Variants in CLEC3B observed in about 807,000 individuals in gnomAD.
CLEC3B encodes C-type lectin domain family 3 member B.
A neutral mutation model predicts 15.4 loss-of-function variants in CLEC3B; 13 were observed. That is an observed-to-expected ratio of 0.84 (90% CI 0.55 to 1.34). The LOEUF is 1.34. Among genes scored for constraint, CLEC3B ranks in the 40% most tolerant of loss-of-function variants. The pLI is 0.00. For synonymous variants in CLEC3B, 112 were observed against 114.7 expected, an observed-to-expected ratio of 0.98 and a Z score of 0.15; for missense variants, 242 against 268.6, an observed-to-expected ratio of 0.90 and a Z score of 0.69.
Position 45,035,774 on chromosome 3 carries a change from C to G in CLEC3B, c.459C>G (p.Ala153=). 3.1e-6 allele frequency: 5 copies of G among 1,613,740 alleles called. No homozygotes were observed. Among genetic ancestry groups the G allele is most frequent in the Non-Finnish European group, 4.2e-6 (5 of 1,179,982 alleles). The change falls in exon 3 of 3, where the codon GCC becomes GCG. Residue 153 remains alanine, a synonymous_variant. Transcript: ENST00000296130. ...TGGACATGACCGGCGCCCGCATCGC[C>G]TACAAGAACTGGGAGACTGAGATCA... ...TWVDMTGARI[A]YKNWETEITA...
chr3:45,029,092 C>T (rs914099062), intron 1 of CLEC3B, among the ~76,000 whole-genome samples: 14 of 152,216 alleles, frequency 9.2e-5, no homozygotes, highest in Admixed American at 4.6e-4. Flanking sequence ...TGGGCCAGCA[C>T]AAAGGCCTCC....
intron 1 of CLEC3B, among the ~76,000 whole-genome samples, chr3:45,029,836 A>T (rs760125573): frequency 7.2e-5 from 11 of 152,288 alleles, no homozygotes; most frequent in African/African-American, 2.4e-4. Context: ...TTACACACAC[A>T]TAGAAATATG....
intron 2 of CLEC3B, among the ~76,000 whole-genome samples, chr3:45,035,188 G>C (rs549284662): frequency 6.6e-6 from 1 of 152,328 alleles, no homozygotes; most frequent in South Asian, 2.1e-4. Context: ...AAGGAGATGG[G>C]GTGGGTAAAG....
rs372482326 is a variant in CLEC3B at position 45,030,866 on chromosome 3, G to A, written c.149G>A (p.Arg50His). ...NTKMFEELKS[R>H]LDTLAQEVAL... is the part of the protein sequence containing the mutation. ...AAGATGTTTGAGGAGCTCAAGAGCC[G>A]TCTGGACACCCTGGCCCAGGAGGTG... The change falls in exon 2 of 3, where the codon CGT (arginine) becomes CAT (histidine). Residue 50 changes from arginine (R) to histidine (H), a missense_variant. By Grantham distance (29) the Arg-to-His change is conservative. Transcript: ENST00000296130. The A allele has an allele frequency of 9.4e-6, 15 of 1,596,640 alleles. No individual in the cohort carries two copies. The highest frequency in any genetic ancestry group is 5.2e-5 in the Admixed American group (3 of 57,546).
At chr3:45,029,723 G>T (rs1559758848) in intron 1 of CLEC3B, among the ~76,000 whole-genome samples, 1 of 152,202 alleles carries the variant, frequency 6.6e-6, no homozygotes, top group East Asian at 1.9e-4. Flanking sequence ...CCCAAGCTGA[G>T]TGCAGCCTTT....
At chr3:45,031,855 AC>A in intron 2 of CLEC3B, among the ~76,000 whole-genome samples, 2 of 75,710 alleles carry the variant, frequency 2.6e-5, no homozygotes, top group Non-Finnish European at 5.1e-5. Context: ...ACATTCTGGC[AC>A]TGTTCTTGAT....
At chr3:45,030,623 C>T (rs899586939) in intron 1 of CLEC3B, among the ~76,000 whole-genome samples, 1 of 152,234 alleles carries the variant, frequency 6.6e-6, no homozygotes, top group Non-Finnish European at 1.5e-5. Flanking sequence ...CAAACAAATG[C>T]AGCACAGGAG....
chr3:45,033,676 A>G (rs1052495372), intron 2 of CLEC3B, among the ~76,000 whole-genome samples: 2 of 152,166 alleles, frequency 1.3e-5, no homozygotes, highest in Non-Finnish European at 2.9e-5. Flanking sequence ...GCAGGGCAGG[A>G]GCAGAGGTGT....
At position 45,026,410 on chromosome 3, in the gene CLEC3B, G is replaced by C. The variant is rs746331675; in HGVS notation, c.48G>C (p.Leu16=). The change falls in exon 1 of 3, where the codon CTG becomes CTC. Residue 16 remains leucine, a synonymous_variant. Coordinates refer to ENST00000296130, the MANE Select transcript of CLEC3B (RefSeq NM_003278.3). The part of the protein sequence containing the change: ...AYLLLCLFSL[L]TQVTTEPPTQ... ...TCCTCCTCTGCCTCTTCTCCCTCCT[G>C]ACCCAGGTCACCACCGAGCCACCAA... is the stretch of plus-strand genomic sequence containing the variant. The C allele has an allele frequency of 1.7e-5, 27 of 1,614,004 alleles. No homozygotes were observed. In the South Asian group the frequency reaches 2.9e-4, roughly 17 times the overall value.
rs13963 is a variant in CLEC3B at position 45,035,631 on chromosome 3, G to A, written c.316G>A (p.Gly106Ser). ...CTGCATCTCGCGCGGGGGCACCCTG[G>A]GCACCCCTCAGACTGGCTCGGAGAA... ...EDCISRGGTL[G>S]TPQTGSENDA... is the part of the protein sequence containing the mutation. The change falls in exon 3 of 3, where the codon GGC becomes AGC. Residue 106 changes from glycine to serine, a missense_variant. By Grantham distance (56) the Gly-to-Ser change is moderately conservative. Transcript: ENST00000296130. 708,919 of 1,613,778 alleles carry A rather than the reference G, an allele frequency of 0.44. 162,710 individuals carry two copies. Among genetic ancestry groups the A allele is most frequent in the East Asian group, 0.83 (37,015 of 44,854 alleles).
rs143230341 is a variant in CLEC3B at position 45,035,687 on chromosome 3, C to T, written c.372C>T (p.Ser124=). 3.7e-6 allele frequency: 6 copies of T among 1,613,700 alleles called. No homozygotes were observed. The African/African-American group carries it at 6.7e-5, about 18-fold the overall frequency. ...NDALYEYLRQ[S]VGNEAEIWLG... is the part of the protein sequence containing the mutation. ...CCCTGTATGAGTACCTGCGCCAGAG[C>T]GTGGGCAACGAGGCCGAGATCTGGC... is the stretch of plus-strand genomic sequence containing the variant. Residue 124 remains serine (S), a synonymous_variant, in exon 3 of 3, where the codon AGC becomes AGT. Coordinates refer to ENST00000296130, the MANE Select transcript of CLEC3B (RefSeq NM_003278.3).
intron 1 of CLEC3B, among the ~76,000 whole-genome samples, chr3:45,028,936 T>A (rs62242473): frequency 7.2e-5 from 11 of 152,030 alleles, no homozygotes; most frequent in African/African-American, 2.4e-4. Flanking sequence ...TCATCTGTTC[T>A]TGGGGCCACA....
Position 45,026,353 on chromosome 3 carries a change from G to A in CLEC3B, c.-10G>A, listed in dbSNP as rs767886360. 18 of 1,611,362 alleles carry A rather than the reference G, an allele frequency of 1.1e-5. No homozygotes were observed. Among genetic ancestry groups the A allele is most frequent in the South Asian group, 1.1e-4 (10 of 90,874 alleles). On this transcript the variant is annotated 5_prime_UTR_variant, in exon 1 of 3. Transcript: ENST00000296130. ...CTGCAGGCAGCAGCAGCCCCCGCCC[G>A]CGCAGCAGCATGGAGCTCTGGGGGG...
At chr3:45,034,105 G>A (rs993790881) in intron 2 of CLEC3B, among the ~76,000 whole-genome samples, 1 of 152,198 alleles carries the variant, frequency 6.6e-6, no homozygotes, top group Non-Finnish European at 1.5e-5. Context: ...GCTGTCTTCT[G>A]CTGAGGCAGT....
chr3:45,029,498 A>G (rs1278712547), intron 1 of CLEC3B, among the ~76,000 whole-genome samples: 1 of 151,362 alleles, frequency 6.6e-6, no homozygotes, highest in African/African-American at 2.4e-5. Context: ...CCAGCCCCAA[A>G]CTCTCCCTTT....
intron 2 of CLEC3B, among the ~76,000 whole-genome samples, chr3:45,033,945 G>A (rs1576046118): frequency 6.6e-6 from 1 of 150,570 alleles, no homozygotes; most frequent in African/African-American, 2.5e-5. Flanking sequence ...AAGTCGAGCT[G>A]TACTGTGGTG....
chr3:45,027,918 A>C (rs1697504840), intron 1 of CLEC3B, among the ~76,000 whole-genome samples: 2 of 151,990 alleles, frequency 1.3e-5, no homozygotes, highest in South Asian at 4.1e-4. Flanking sequence ...AATTATGTAA[A>C]TCTTTTTAAA....
Position 45,036,007 on chromosome 3 carries a change from C to G in CLEC3B, c.*83C>G, listed in dbSNP as rs1450416542. ...GAGGAGGGTGGGGACCTTGCAGCCCCCATCCTCTCCGTGCGCTTGGAGCCT... is the reference window on the plus strand; with the variant it reads ...GAGGAGGGTGGGGACCTTGCAGCCCGCATCCTCTCCGTGCGCTTGGAGCCT... On this transcript the variant is annotated 3_prime_UTR_variant, in exon 3 of 3. Coordinates refer to ENST00000296130, the MANE Select transcript of CLEC3B (RefSeq NM_003278.3). 2.9e-6 allele frequency: 4 copies of G among 1,389,384 alleles called. No individual in the cohort carries two copies. Among genetic ancestry groups the G allele is most frequent in the Middle Eastern group, 5.2e-4 (2 of 3,856 alleles). 86.1% of individuals were successfully genotyped at this position (1,389,384 alleles called of 1,614,324 possible).
chr3:45,034,062 G>A (rs1697602884), intron 2 of CLEC3B, among the ~76,000 whole-genome samples: 1 of 152,220 alleles, frequency 6.6e-6, no homozygotes, highest in Non-Finnish European at 1.5e-5. Context: ...GGTGTAGGCT[G>A]CTCTAGGGAG....
Sources: gnomAD v4.1 joint callset for allele counts (sites outside exome capture counted in the v4.1 genomes callset) on GRCh38, gnomAD v4.1.1 for gene constraint, MANE v1.5 for transcripts, NCBI Gene and HGNC (gene_info 2026-07-23, HGNC 2026-07-21) for gene names.